The following CDH12 variants were observed in gnomAD, a reference collection of about 807,000 sequenced individuals.
CDH12 encodes cadherin-12.
In CDH12, 41 loss-of-function variants were observed where a neutral mutation model predicts 74.1. That is an observed-to-expected ratio of 0.55 (90% CI 0.43 to 0.72). The LOEUF (loss-of-function observed/expected upper bound fraction) is 0.72, where lower values mean the gene tolerates loss of function less well. Ranked by LOEUF, CDH12 falls within the 30% of genes least tolerant of loss-of-function variation. The pLI is 0.00. For missense variants in CDH12, 945 were observed against 977.2 expected (o/e 0.97, Z 0.44); for synonymous variants, 399 against 355.0 (o/e 1.12, Z -1.39).
intron 4 of CDH12, among the ~76,000 whole-genome samples, chr5:22,158,325 A>G (rs368156273): frequency 9.4e-4 from 143 of 152,142 alleles, no homozygotes; most frequent in African/African-American, 3.4e-3. Context: ...GTGTTTTTAC[A>G]TGCACGCTCC....
At chr5:22,829,894 G>GAT (rs1736509078) in intron 1 of CDH12, among the ~76,000 whole-genome samples, 5 of 152,142 alleles carry the variant, frequency 3.3e-5, no homozygotes, top group African/African-American at 1.2e-4. Flanking sequence ...GCAATATTAT[G>GAT]ACAGTAGGTG....
intron 1 of CDH12, among the ~76,000 whole-genome samples, chr5:22,660,406 C>T (rs1330375103): frequency 6.6e-6 from 1 of 152,128 alleles, no homozygotes; most frequent in African/African-American, 2.4e-5. Flanking sequence ...GAGATTAATA[C>T]CTGACTGACA....
chr5:22,330,743 C>G (rs1739316388), intron 3 of CDH12, among the ~76,000 whole-genome samples: 1 of 118,320 alleles, frequency 8.5e-6, no homozygotes, highest in Admixed American at 8.6e-5. Flanking sequence ...GAGCGAGACT[C>G]CAAAAAAAAA....
intron 6 of CDH12, among the ~76,000 whole-genome samples, chr5:21,925,753 G>T (rs1408474814): frequency 1.3e-5 from 2 of 151,730 alleles, no homozygotes; most frequent in African/African-American, 4.8e-5. Context: ...TTTATATTAC[G>T]GGACATTGTT....
intron 1 of CDH12, among the ~76,000 whole-genome samples, chr5:22,638,312 C>T (rs1181512049): frequency 6.6e-6 from 1 of 152,198 alleles, no homozygotes; most frequent in African/African-American, 2.4e-5. Context: ...TGACAGTGCA[C>T]CTTCAGTCTG....
intron 3 of CDH12, among the ~76,000 whole-genome samples, chr5:22,337,806 G>T (rs1346748954): frequency 6.6e-6 from 1 of 152,172 alleles, no homozygotes; most frequent in African/African-American, 2.4e-5. Flanking sequence ...TTGCAAACAG[G>T]TATATGAAAA....
At chr5:21,785,944 G>T (rs576778716) in intron 10 of CDH12, among the ~76,000 whole-genome samples, 1 of 152,304 alleles carries the variant, frequency 6.6e-6, no homozygotes, top group East Asian at 1.9e-4. Flanking sequence ...AAGCTAGAGA[G>T]AAGTCAATGC....
chr5:22,741,933 C>A (rs951779511), intron 1 of CDH12, among the ~76,000 whole-genome samples: 3 of 152,130 alleles, frequency 2.0e-5, no homozygotes, highest in Non-Finnish European at 2.9e-5. Context: ...GTAATCCCAG[C>A]ACTTTGGGAG....
At chr5:22,440,940 C>T (rs1744599860) in intron 2 of CDH12, among the ~76,000 whole-genome samples, 1 of 152,102 alleles carries the variant, frequency 6.6e-6, no homozygotes, top group African/African-American at 2.4e-5. Context: ...GTAAAAGTGC[C>T]TAGAAAAATA....
intron 8 of CDH12, among the ~76,000 whole-genome samples, chr5:21,823,168 A>G (rs1748466925): frequency 6.6e-6 from 1 of 152,138 alleles, no homozygotes; most frequent in South Asian, 2.1e-4. Flanking sequence ...CAATCACACA[A>G]AAAAGTAAAA....
intron 4 of CDH12, among the ~76,000 whole-genome samples, chr5:22,175,100 C>G (rs1302354946): frequency 6.6e-6 from 1 of 151,972 alleles, no homozygotes; most frequent in Non-Finnish European, 1.5e-5. Flanking sequence ...CAAAAACCCT[C>G]ATTCTCAATC....
intron 1 of CDH12, among the ~76,000 whole-genome samples, chr5:22,795,965 T>C (rs572598778): frequency 3.4e-4 from 52 of 152,216 alleles, no homozygotes; most frequent in Admixed American, 7.2e-4. Flanking sequence ...CTTCTGTGCT[T>C]AGCTAGCTTC....
intron 2 of CDH12, among the ~76,000 whole-genome samples, chr5:22,476,156 T>C (rs1411614397): frequency 6.6e-6 from 1 of 152,058 alleles, no homozygotes; most frequent in African/African-American, 2.4e-5. Flanking sequence ...GCTATCTACT[T>C]ACCCTGTTTG....
intron 1 of CDH12, chr5:22,580,388 A>G: frequency 2.1e-6 from 1 of 485,734 alleles, no homozygotes; most frequent in South Asian, 1.5e-5. Context: ...CGTGGTCCCC[A>G]TCGTAGGGTG....
chr5:21,789,476 G>T (rs180684707), intron 10 of CDH12, among the ~76,000 whole-genome samples: 146 of 152,138 alleles, frequency 9.6e-4, no homozygotes, highest in African/African-American at 3.3e-3. Flanking sequence ...TGTGCTGCAT[G>T]CTCTTAGAAA....
intron 4 of CDH12, among the ~76,000 whole-genome samples, chr5:22,165,982 T>G (rs2150323601): frequency 6.6e-6 from 1 of 152,296 alleles, no homozygotes. Context: ...CAAGCAACCA[T>G]CAGCCCTCAG....
At chr5:22,154,739 C>T (rs1285282428) in intron 4 of CDH12, among the ~76,000 whole-genome samples, 2 of 151,876 alleles carry the variant, frequency 1.3e-5, no homozygotes, top group South Asian at 2.1e-4. Flanking sequence ...CTTCCTTAAT[C>T]CACATAGCAC....
chr5:21,890,634 A>G (rs536370150), intron 6 of CDH12, among the ~76,000 whole-genome samples: 2 of 152,236 alleles, frequency 1.3e-5, no homozygotes, highest in African/African-American at 4.8e-5. Context: ...ACAAACAAGG[A>G]CCTGTCCTAC....
At chr5:22,734,747 G>A (rs986414354) in intron 1 of CDH12, among the ~76,000 whole-genome samples, 3 of 151,740 alleles carry the variant, frequency 2.0e-5, no homozygotes, top group Admixed American at 6.6e-5. Context: ...CTTGAGATGG[G>A]GTCTACGATA....
Sources: allele counts gnomAD v4.1 joint callset (sites outside exome capture counted in the v4.1 genomes callset), GRCh38; gene constraint gnomAD v4.1.1; transcripts MANE v1.5; gene names NCBI Gene and HGNC (gene_info 2026-07-23, HGNC 2026-07-21).